The following DDX60L variants were observed in gnomAD, a reference collection of about 807,000 sequenced individuals.
DDX60L encodes DExD/H-box 60 like, also known as probable ATP-dependent RNA helicase DDX60-like.
A neutral mutation model predicts 211.6 loss-of-function variants in DDX60L; 191 were observed. The observed-to-expected ratio is 0.90, with a 90% CI of 0.80 to 1.02. The LOEUF is 1.02. DDX60L is among the 50% of genes least tolerant of loss of function. The pLI is 0.00. For synonymous variants in DDX60L, 706 were observed against 694.1 expected, an observed-to-expected ratio of 1.02 and a Z score of -0.27; for missense variants, 2,007 against 1,984.1, an observed-to-expected ratio of 1.01 and a Z score of -0.22.
At position 168,371,803 on chromosome 4, in the gene DDX60L, TAA is replaced by T. The variant is rs774686965; in HGVS notation, c.4777-42_4777-41del. 3 of 1,539,376 alleles carry T rather than the reference TAA, an allele frequency of 1.9e-6. No homozygotes were observed. The South Asian group carries it at 3.7e-5, about 19-fold the overall frequency. ...TTTCTATTACTTCATTACTGATATG[TAA>T]AGAGTAACTGTTTGCAGTTTGAGAT... On this transcript the variant is annotated intron_variant, in intron 35 of 37. Transcript: ENST00000682922.
chr4:168,399,460 C>A (rs1579383215), intron 26 of DDX60L, among the ~76,000 whole-genome samples: 1 of 152,220 alleles, frequency 6.6e-6, no homozygotes, highest in African/African-American at 2.4e-5. Context: ...GAGCTGCCCA[C>A]CCCTCTGCAG....
chr4:168,388,232 A>G (rs1171914910), intron 29 of DDX60L, among the ~76,000 whole-genome samples: 1 of 152,206 alleles, frequency 6.6e-6, no homozygotes, highest in African/African-American at 2.4e-5. Flanking sequence ...AAGAAAACAT[A>G]TAAGGACAGT....
At chr4:168,432,335 T>C (rs1274153713) in intron 12 of DDX60L, 120 bp downstream of exon 12, 1 of 240,442 alleles carries the variant, frequency 4.2e-6, no homozygotes, top group Non-Finnish European at 8.1e-6. Context: ...ATATATAATA[T>C]ATAGATAGAT....
At chr4:168,468,072 T>C (rs968016567) in intron 4 of DDX60L, among the ~76,000 whole-genome samples, 8 of 152,036 alleles carry the variant, frequency 5.3e-5, no homozygotes, top group African/African-American at 1.4e-4. Flanking sequence ...GAGGCTGAGA[T>C]AGAAGAATTG....
intron 6 of DDX60L, 115 bp from the exon 7 acceptor site, chr4:168,456,267 G>T: frequency 2.0e-6 from 1 of 488,650 alleles, no homozygotes; most frequent in Non-Finnish European, 3.4e-6. Flanking sequence ...TTGACTAAAC[G>T]GAACTTCAAA....
chr4:168,436,707 C>T (rs756353282), intron 10 of DDX60L, among the ~76,000 whole-genome samples: 11 of 152,182 alleles, frequency 7.2e-5, no homozygotes, highest in Non-Finnish European at 1.5e-4. Context: ...ACTATTACCC[C>T]TAAGTGATAT....
intron 34 of DDX60L, 56 bp from the exon 35 acceptor site, chr4:168,373,864 C>A: frequency 6.4e-7 from 1 of 1,569,030 alleles, no homozygotes; most frequent in South Asian, 1.2e-5. Flanking sequence ...AAATGTTAAC[C>A]CTTTCAAACT....
intron 4 of DDX60L, chr4:168,469,352 T>A (rs1459424149): frequency 6.6e-6 from 1 of 151,954 alleles, no homozygotes; most frequent in African/African-American, 2.4e-5. Flanking sequence ...TCAACCTCAA[T>A]CCCCCATTCA....
At chr4:168,442,516 G>A (rs1157100993) in intron 9 of DDX60L, among the ~76,000 whole-genome samples, 2 of 152,234 alleles carry the variant, frequency 1.3e-5, no homozygotes, top group African/African-American at 4.8e-5. Context: ...GAACTGGGTG[G>A]AGCCCACCAC....
In DDX60L at chr4:168,406,613, G is replaced by C; in HGVS notation, c.3073C>G (p.Pro1025Ala). The C allele has an allele frequency of 3.8e-6, 6 of 1,594,706 alleles. No individual in the cohort carries two copies. Among genetic ancestry groups the C allele is most frequent in the Non-Finnish European group, 5.1e-6 (6 of 1,169,146 alleles). Reference sequence around the variant, plus strand: ...ATTTCTATATTTACCTGAGCCCTGGGCCAAGTTTCCCAGACTTGAGCCATG... The same window carrying C: ...ATTTCTATATTTACCTGAGCCCTGGCCCAAGTTTCCCAGACTTGAGCCATG... Reference protein sequence around the residue: ...DTMAQVWETWPRAQELCPEEF... With the variant: ...DTMAQVWETWARAQELCPEEF... The change falls in exon 23 of 38, where the codon CCC (proline) becomes GCC (alanine). Residue 1025 changes from proline to alanine, a missense_variant. Transcript: ENST00000682922.
At chr4:168,408,449 G>A (rs530677624) in intron 22 of DDX60L, among the ~76,000 whole-genome samples, 1 of 151,980 alleles carries the variant, frequency 6.6e-6, no homozygotes, top group East Asian at 1.9e-4. Flanking sequence ...CAATTCAATT[G>A]TTCTCCTCTG....
rs13151700 is a variant in DDX60L, at chr4:168,441,406, C to T, written c.1225G>A (p.Val409Ile). Residue 409 changes from valine (V) to isoleucine (I), a missense_variant, in exon 10 of 38, where the codon GTT becomes ATT. By Grantham distance (29) the Val-to-Ile change is conservative. Coordinates refer to ENST00000682922, the MANE Select transcript of DDX60L (RefSeq NM_001012967.3). ...GTTCTCAGAGGAAAAGACTTTCCAA[C>T]GTTAAATTCTTTAACCAGGTGTGAC... ...VVSHLVKEFNVGKSFPLRTTR... is the reference protein window; with the variant it reads ...VVSHLVKEFNIGKSFPLRTTR... 2.1e-4 allele frequency: 336 copies of T among 1,611,982 alleles called. No homozygotes were observed. Among genetic ancestry groups the T allele is most frequent in the Non-Finnish European group, 2.7e-4 (315 of 1,179,068 alleles).
chr4:168,389,901 A>G (rs1744501196), intron 29 of DDX60L, among the ~76,000 whole-genome samples: 1 of 152,238 alleles, frequency 6.6e-6, no homozygotes, highest in Non-Finnish European at 1.5e-5. Context: ...TCTGGTTCTC[A>G]TTGTATGACA....
At chr4:168,478,247 A>C (rs551854091) in intron 1 of DDX60L, among the ~76,000 whole-genome samples, 1 of 152,278 alleles carries the variant, frequency 6.6e-6, no homozygotes, top group African/African-American at 2.4e-5. Flanking sequence ...ATTCTCAGTT[A>C]AACAGAAGGA....
chr4:168,472,051 A>G (rs894714323), intron 3 of DDX60L, 115 bp from the exon 4 acceptor site: 1 of 746,806 alleles, frequency 1.3e-6, no homozygotes, highest in Non-Finnish European at 2.2e-6. Context: ...ATGCCAGTCC[A>G]TGATGCCTTT....
chr4:168,431,111 T>C (rs190416094), intron 12 of DDX60L, among the ~76,000 whole-genome samples: 1 of 152,298 alleles, frequency 6.6e-6, no homozygotes, highest in Admixed American at 6.5e-5. Flanking sequence ...ACCTAAAACA[T>C]TCTGTTTGCA....
chr4:168,432,390 G>T, intron 12 of DDX60L, 65 bp downstream of exon 12: 1 of 720,394 alleles, frequency 1.4e-6, no homozygotes, highest in Non-Finnish European at 2.1e-6. Context: ...TCTTTTCACT[G>T]TTAATAAAAA....
At chr4:168,472,874 T>C in intron 1 of DDX60L, 65 bp from the exon 2 acceptor site, 1 of 645,824 alleles carries the variant, frequency 1.5e-6, no homozygotes, top group Non-Finnish European at 2.6e-6. Context: ...CCAAAAAATA[T>C]GGTTACATTT....
At chr4:168,446,031 G>A (rs1377676841) in intron 9 of DDX60L, among the ~76,000 whole-genome samples, 1 of 149,080 alleles carries the variant, frequency 6.7e-6, no homozygotes, top group Admixed American at 6.8e-5. Flanking sequence ...TCTGGCCAGG[G>A]CAATTAGGCA....
Sources: gnomAD v4.1 joint callset for allele counts (sites outside exome capture counted in the v4.1 genomes callset) on GRCh38, gnomAD v4.1.1 for gene constraint, MANE v1.5 for transcripts, NCBI Gene and HGNC (gene_info 2026-07-23, HGNC 2026-07-21) for gene names.